The following TUT7 variants were observed in gnomAD, a reference collection of about 807,000 sequenced individuals.
TUT7 encodes terminal uridylyltransferase 7.
In TUT7, 33 loss-of-function variants were observed where a neutral mutation model predicts 165.9. The ratio of observed to expected loss-of-function variants is 0.20; its 90% CI spans 0.15 to 0.27. The LOEUF (loss-of-function observed/expected upper bound fraction) is 0.27. TUT7 is among the 10% of genes least tolerant of loss of function. TUT7 has a pLI of 1.00. For synonymous variants in TUT7, 552 were observed against 608.1 expected, an observed-to-expected ratio of 0.91 and a Z score of 1.36; for missense variants, 1,338 against 1,762.3, an observed-to-expected ratio of 0.76 and a Z score of 4.31.
rs1444058284 is a variant in TUT7 at position 86,301,461 on chromosome 9, T to C, written c.4235A>G (p.Gln1412Arg). 1.9e-6 allele frequency: 3 copies of C among 1,614,070 alleles called. No individual in the cohort carries two copies. Among genetic ancestry groups the C allele is most frequent in the South Asian group, 1.1e-5 (1 of 91,086 alleles). The change falls in exon 26 of 27, where the codon CAG (glutamine) becomes CGG (arginine). Residue 1412 changes from glutamine (Q) to arginine (R), a missense_variant. Physicochemically the swap from Gln to Arg is conservative, Grantham distance 43. Coordinates refer to ENST00000375963, the MANE Select transcript of TUT7 (RefSeq NM_024617.4). Reference sequence around the variant, plus strand: ...TGGCTTGGCTTTCTGAGGTGTGCACTGTATGGGCTTATCTTCTTTTGTTGA... The same window carrying C: ...TGGCTTGGCTTTCTGAGGTGTGCACCGTATGGGCTTATCTTCTTTTGTTGA... Reference protein sequence around the residue: ...EVSTKEDKPIQCTPQKAKPMR... With the variant: ...EVSTKEDKPIRCTPQKAKPMR...
At chr9:86,302,341 G>A (rs936046739) in intron 25 of TUT7, among the ~76,000 whole-genome samples, 9 of 152,080 alleles carry the variant, frequency 5.9e-5, no homozygotes, top group Non-Finnish European at 1.0e-4. Flanking sequence ...TACAAACAAA[G>A]AGTGCTAAAA....
chr9:86,315,838 T>C (rs918680572), intron 17 of TUT7, among the ~76,000 whole-genome samples: 2 of 152,186 alleles, frequency 1.3e-5, no homozygotes, highest in Non-Finnish European at 2.9e-5. Context: ...CTGTATACTT[T>C]AGGTTAATTT....
At chr9:86,315,673 A>T (rs1828641021) in intron 17 of TUT7, among the ~76,000 whole-genome samples, 1 of 152,146 alleles carries the variant, frequency 6.6e-6, no homozygotes, top group Non-Finnish European at 1.5e-5. Context: ...AAAACACATG[A>T]TCTTTAGAGG....
intron 10 of TUT7, chr9:86,337,198 T>C: frequency 2.1e-6 from 1 of 471,038 alleles, no homozygotes; most frequent in Non-Finnish European, 3.7e-6. Context: ...GATTTTGCAG[T>C]CTAGAAAGGT....
intron 5 of TUT7, 38 bp from the exon 6 acceptor site, chr9:86,343,201 G>C: frequency 1.6e-6 from 2 of 1,275,558 alleles, no homozygotes; most frequent in Non-Finnish European, 2.1e-6. Context: ...AATAAATACA[G>C]TAGAATTTCT....
At chr9:86,348,017 T>C (rs944329846) in intron 2 of TUT7, among the ~76,000 whole-genome samples, 3 of 152,214 alleles carry the variant, frequency 2.0e-5, no homozygotes, top group Admixed American at 6.5e-5. Context: ...GCAAAAACTC[T>C]ATAAATTTAA....
At chr9:86,328,911 TA>T (rs565696453) in intron 10 of TUT7, among the ~76,000 whole-genome samples, 2 of 151,798 alleles carry the variant, frequency 1.3e-5, no homozygotes, top group Non-Finnish European at 2.9e-5. Flanking sequence ...GGTTATGATA[TA>T]AAAAAAATGA....
chr9:86,332,199 G>C (rs1474879495), intron 10 of TUT7, among the ~76,000 whole-genome samples: 1 of 152,104 alleles, frequency 6.6e-6, no homozygotes, highest in Admixed American at 6.6e-5. Flanking sequence ...TATATACCCA[G>C]AGAAATACAG....
At chr9:86,316,699 G>C (rs909576863) in intron 17 of TUT7, among the ~76,000 whole-genome samples, 1 of 152,076 alleles carries the variant, frequency 6.6e-6, no homozygotes, top group African/African-American at 2.4e-5. Flanking sequence ...CAATTCCTCA[G>C]TCTTTCATAC....
At chr9:86,334,184 T>C (rs1266257802) in intron 10 of TUT7, among the ~76,000 whole-genome samples, 3 of 152,144 alleles carry the variant, frequency 2.0e-5, no homozygotes, top group Non-Finnish European at 4.4e-5. Context: ...CCCAAGGTGG[T>C]TAGGCTTCAG....
chr9:86,345,079 T>C lies in TUT7; in HGVS notation c.895A>G (p.Ile299Val), dbSNP rs1300738991. 1.2e-6 allele frequency: 2 copies of C among 1,613,798 alleles called. No homozygotes were observed. Among genetic ancestry groups the C allele is most frequent in the African/African-American group, 2.7e-5 (2 of 74,934 alleles). ...PSQINAVGIA[I>V]DKVVQEFGLH... ...CCAAATTCCTGTACCACTTTGTCAA[T>C]GGCAATGCCAACTGCATTTATCTGG... is the stretch of plus-strand genomic sequence containing the variant. Residue 299 changes from isoleucine to valine, a missense_variant, in exon 5 of 27, where the codon ATT becomes GTT. Coordinates refer to ENST00000375963, the MANE Select transcript of TUT7 (RefSeq NM_024617.4).
At position 86,353,247 on chromosome 9, in the gene TUT7, TG is replaced by T; in HGVS notation, c.-31-18del. On this transcript the variant is annotated intron_variant, in intron 1 of 26. Transcript: ENST00000375963. ...ACTTTGCACCTGAAAGAAGGTATTT[TG>T]GGGAAATATCAAACTATATAACAAG... 2 of 1,511,700 alleles carry T rather than the reference TG, an allele frequency of 1.3e-6. No homozygotes were observed. The highest frequency in any genetic ancestry group is 1.8e-6 in the Non-Finnish European group (2 of 1,134,698). The allele number at this position is 1,511,700 out of a possible 1,614,324, so 93.6% of individuals were successfully genotyped here. A position where few individuals can be genotyped will look rare whatever the true frequency, so the allele number is the denominator to read the frequency against.
At chr9:86,297,385 A>T (rs1306096301) in intron 26 of TUT7, among the ~76,000 whole-genome samples, 2 of 152,218 alleles carry the variant, frequency 1.3e-5, no homozygotes, top group Non-Finnish European at 2.9e-5. Flanking sequence ...ATGGAGGATA[A>T]GGCAGTCTCT....
At chr9:86,319,923 C>A (rs7870678) in intron 14 of TUT7, among the ~76,000 whole-genome samples, 3,263 of 152,236 alleles carry the variant, frequency 0.021, 99 homozygotes, top group African/African-American at 0.069. Context: ...ACCTCTGCCT[C>A]CCAGGCTCAA....
chr9:86,288,770 C>T, intron 26 of TUT7, 26 bp from the exon 27 acceptor site: 1 of 1,582,448 alleles, frequency 6.3e-7, no homozygotes, highest in Non-Finnish European at 8.7e-7. Flanking sequence ...AAACAAAACC[C>T]AATATAAATG....
chr9:86,314,241 C>T (rs546510262), intron 17 of TUT7, among the ~76,000 whole-genome samples: 1 of 152,322 alleles, frequency 6.6e-6, no homozygotes, highest in East Asian at 1.9e-4. Flanking sequence ...CCTTCCCATT[C>T]TGGAATTTGA....
chr9:86,350,284 T>C (rs922540408), intron 2 of TUT7, among the ~76,000 whole-genome samples: 1 of 152,092 alleles, frequency 6.6e-6, no homozygotes, highest in Non-Finnish European at 1.5e-5. Context: ...TGAACCAAGA[T>C]CGCACCACTG....
chr9:86,298,504 A>G (rs190495090), intron 26 of TUT7, among the ~76,000 whole-genome samples: 1 of 152,348 alleles, frequency 6.6e-6, no homozygotes, highest in African/African-American at 2.4e-5. Flanking sequence ...CAAATAATTG[A>G]AGACTCTGGT....
At chr9:86,294,437 T>A (rs1392310034) in intron 26 of TUT7, among the ~76,000 whole-genome samples, 1 of 152,164 alleles carries the variant, frequency 6.6e-6, no homozygotes, top group Admixed American at 6.5e-5. Flanking sequence ...GATACATCAC[T>A]GTGATTTTTT....
Sources: gnomAD v4.1 joint callset for allele counts (sites outside exome capture counted in the v4.1 genomes callset) on GRCh38, gnomAD v4.1.1 for gene constraint, MANE v1.5 for transcripts, NCBI Gene and HGNC (gene_info 2026-07-23, HGNC 2026-07-21) for gene names.